MAGI1: variants seen among roughly 807,000 people sequenced by gnomAD.
MAGI1 encodes the protein membrane-associated guanylate kinase, WW and PDZ domain-containing protein 1.
In MAGI1, 58 loss-of-function variants were observed where a neutral mutation model predicts 139.9. The observed-to-expected ratio is 0.41, with a 90% CI of 0.34 to 0.52. The LOEUF is 0.52. Among genes scored for constraint, MAGI1 ranks in the 20% least tolerant of loss-of-function variants. The probability of loss-of-function intolerance (pLI) is 0.12; values close to 1 mark genes in which losing one functional copy is unlikely to be tolerated. For synonymous variants in MAGI1, 812 were observed against 737.9 expected (o/e 1.10, Z -1.63); for missense variants, 1,874 against 1,901.6 (o/e 0.99, Z 0.27).
intron 1 of MAGI1, among the ~76,000 whole-genome samples, chr3:65,997,633 G>C (rs1378703946): frequency 6.6e-6 from 1 of 152,036 alleles, no homozygotes; most frequent in East Asian, 1.9e-4. Flanking sequence ...TCCAGCCTGG[G>C]CGACAGAGCA....
intron 1 of MAGI1, among the ~76,000 whole-genome samples, chr3:65,668,562 CTTTTTTTTTTT>C (rs58434479): frequency 1.3e-5 from 1 of 79,892 alleles, no homozygotes; most frequent in Non-Finnish European, 2.4e-5. Context: ...CCTTTTTTTT[CTTTTTTTTTTT>C]TTTTTTTTTT....
chr3:65,866,523 A>C (rs2059734695), intron 1 of MAGI1, among the ~76,000 whole-genome samples: 1 of 152,056 alleles, frequency 6.6e-6, no homozygotes, highest in Non-Finnish European at 1.5e-5. Flanking sequence ...CCTCCCACCC[A>C]ACCGCTACCT....
chr3:65,894,665 G>A (rs1194190765), intron 1 of MAGI1, among the ~76,000 whole-genome samples: 1 of 152,202 alleles, frequency 6.6e-6, no homozygotes, highest in Non-Finnish European at 1.5e-5. Flanking sequence ...CAACCACCTA[G>A]GACAGTGGTG....
intron 1 of MAGI1, among the ~76,000 whole-genome samples, chr3:65,702,451 G>A (rs1451538702): frequency 1.3e-5 from 2 of 151,572 alleles, no homozygotes; most frequent in African/African-American, 2.4e-5. Context: ...TGACACACAC[G>A]ACAGTAAGGT....
chr3:65,512,861 A>G (rs923308848), intron 2 of MAGI1, among the ~76,000 whole-genome samples: 1 of 151,764 alleles, frequency 6.6e-6, no homozygotes, highest in African/African-American at 2.4e-5. Context: ...CAAAAAAGAG[A>G]ATTTTAGACC....
chr3:65,855,605 C>A (rs1020221662), intron 1 of MAGI1, among the ~76,000 whole-genome samples: 3 of 1,104 alleles, frequency 2.7e-3, no homozygotes, highest in Admixed American at 9.6e-3. Context: ...TTGGAGGAGA[C>A]GGGAGATGGG....
intron 1 of MAGI1, among the ~76,000 whole-genome samples, chr3:65,938,498 T>G (rs2063165337): frequency 6.6e-6 from 1 of 151,930 alleles, no homozygotes; most frequent in Non-Finnish European, 1.5e-5. Context: ...ATGACCAACC[T>G]CTGAATGTCC....
At chr3:65,390,079 G>A (rs1943783994) in intron 14 of MAGI1, among the ~76,000 whole-genome samples, 1 of 152,174 alleles carries the variant, frequency 6.6e-6, no homozygotes, top group Non-Finnish European at 1.5e-5. Context: ...GGCAAAGGAA[G>A]CACAGCATGG....
chr3:65,371,772 A>G (rs1942025853), intron 18 of MAGI1: 1 of 230,506 alleles, frequency 4.3e-6, no homozygotes, highest in Non-Finnish European at 9.0e-6. Flanking sequence ...CTTTACCAGT[A>G]GATTCCATCT....
chr3:65,506,571 T>A (rs934964954), intron 2 of MAGI1, among the ~76,000 whole-genome samples: 1 of 152,192 alleles, frequency 6.6e-6, no homozygotes, highest in Non-Finnish European at 1.5e-5. Flanking sequence ...TAACCACAAC[T>A]TTTTGGATTA....
intron 1 of MAGI1, among the ~76,000 whole-genome samples, chr3:65,631,791 ATCACATGAGG>A (rs1460828568): frequency 1.3e-5 from 2 of 152,146 alleles, no homozygotes; most frequent in Non-Finnish European, 2.9e-5. Context: ...AGGCAGGTGG[ATCACATGAGG>A]TCACATGAGG....
At chr3:65,511,066 T>C (rs1189330299) in intron 2 of MAGI1, among the ~76,000 whole-genome samples, 1 of 147,334 alleles carries the variant, frequency 6.8e-6, no homozygotes, top group South Asian at 2.2e-4. Flanking sequence ...GCTTCATAAG[T>C]GAAGGAGAAA....
chr3:65,488,091 C>T (rs1287272429), intron 3 of MAGI1, among the ~76,000 whole-genome samples: 1 of 152,176 alleles, frequency 6.6e-6, no homozygotes, highest in East Asian at 1.9e-4. Flanking sequence ...CTTGCTTCCC[C>T]TCCCTTTCTA....
At chr3:65,567,035 TA>T (rs1021884674) in intron 2 of MAGI1, among the ~76,000 whole-genome samples, 6 of 142,210 alleles carry the variant, frequency 4.2e-5, no homozygotes, top group African/African-American at 1.6e-4. Flanking sequence ...AGCTGACTTG[TA>T]AAAAGTATGA....
chr3:65,520,577 C>CA (rs1281742171), intron 2 of MAGI1, among the ~76,000 whole-genome samples: 1 of 151,910 alleles, frequency 6.6e-6, no homozygotes, highest in African/African-American at 2.4e-5. Flanking sequence ...AATGAGTACT[C>CA]AAAAAAAGTG....
chr3:65,931,870 T>G (rs2062822550), intron 1 of MAGI1, among the ~76,000 whole-genome samples: 1 of 152,176 alleles, frequency 6.6e-6, no homozygotes, highest in African/African-American at 2.4e-5. Context: ...GCACTGTGAC[T>G]AGAGAAGGGT....
intron 22 of MAGI1, among the ~76,000 whole-genome samples, chr3:65,358,001 T>C (rs958828404): frequency 6.6e-6 from 1 of 152,032 alleles, no homozygotes; most frequent in Admixed American, 6.6e-5. Flanking sequence ...TGAGATTGGA[T>C]GGGGGTCAAA....
At chr3:65,416,359 T>C (rs9872741) in intron 12 of MAGI1, among the ~76,000 whole-genome samples, 2,112 of 152,312 alleles carry the variant, frequency 0.014, 49 homozygotes, top group African/African-American at 0.048. Context: ...ACTGCTATTC[T>C]ATGACACAGT....
At chr3:65,840,198 T>A (rs956613786) in intron 1 of MAGI1, among the ~76,000 whole-genome samples, 1 of 151,974 alleles carries the variant, frequency 6.6e-6, no homozygotes, top group African/African-American at 2.4e-5. Flanking sequence ...TAGACAAAGA[T>A]ATCACCTGCA....
Sources: allele counts gnomAD v4.1 joint callset (sites outside exome capture counted in the v4.1 genomes callset), GRCh38; gene constraint gnomAD v4.1.1; transcripts MANE v1.5; gene names NCBI Gene and HGNC (gene_info 2026-07-23, HGNC 2026-07-21).